The following SESTD1 variants were observed in gnomAD, a reference collection of about 807,000 sequenced individuals.
The protein encoded by SESTD1 is SEC14 domain and spectrin repeat-containing protein 1.
Under a neutral mutation model 101.7 loss-of-function variants are expected in SESTD1, and 43 were observed. That is an observed-to-expected ratio of 0.42 (90% CI 0.33 to 0.55). The LOEUF is 0.55. SESTD1 is among the 20% of genes least tolerant of loss of function. SESTD1 has a pLI of 0.07. For synonymous variants in SESTD1, 283 were observed against 286.8 expected, an observed-to-expected ratio of 0.99 and a Z score of 0.13; for missense variants, 647 against 815.1, an observed-to-expected ratio of 0.79 and a Z score of 2.51.
chr2:179,124,492 C>G lies in SESTD1; in HGVS notation c.1039G>C (p.Glu347Gln). 6.2e-7 allele frequency: 1 copy of G among 1,613,978 alleles called. No individual in the cohort carries two copies. The highest frequency in any genetic ancestry group is 2.2e-5 in the East Asian group (1 of 44,876). ...IAALLNAGDE[E>Q]DLVELKSLQQ... ...AGTGACTTTAGTTCCACAAGATCTT[C>G]CTCATCGCCAGCATTCAAGAGTGCT... The change falls in exon 11 of 18, where the codon GAA becomes CAA. Residue 347 changes from glutamate (E) to glutamine (Q), a missense_variant. By Grantham distance (29) the Glu-to-Gln change is conservative (BLOSUM62 2). Coordinates refer to ENST00000428443, the MANE Select transcript of SESTD1 (RefSeq NM_178123.5).
rs1038938211 is a variant in SESTD1, at chr2:179,109,210, A to G, written c.*689T>C. ...TCTAAAATACATGCAACCACCATGA[A>G]AAAACAAATATTAAACCATCCTCAC... On this transcript the variant is annotated 3_prime_UTR_variant, in exon 18 of 18. Transcript: ENST00000428443. The G allele has an allele frequency of 3.3e-5, 5 of 152,714 alleles. No individual in the cohort carries two copies. The East Asian group carries it at 9.6e-4, about 29-fold the overall frequency. The allele number at this position is 152,714 out of a possible 1,614,324, so 9.5% of individuals were successfully genotyped here. A position where few individuals can be genotyped will look rare whatever the true frequency, so the allele number is the denominator to read the frequency against.
Position 179,104,110 on chromosome 2 carries a change from G to A in SESTD1, c.*5789C>T, listed in dbSNP as rs1378695760. On this transcript the variant is annotated 3_prime_UTR_variant, in exon 18 of 18. Coordinates refer to ENST00000428443, the MANE Select transcript of SESTD1 (RefSeq NM_178123.5). Reference sequence around the variant, plus strand: ...GGTGCAATGTTTACCAAATAGTTTTGCTGAGAATTTCATTACTGATTTTAT... The same window carrying A: ...GGTGCAATGTTTACCAAATAGTTTTACTGAGAATTTCATTACTGATTTTAT... The A allele has an allele frequency of 6.6e-6, 1 of 152,030 alleles. No individual in the cohort carries two copies. The highest frequency in any genetic ancestry group is 1.5e-5 in the Non-Finnish European group (1 of 67,984). The allele number at this position is 152,030 out of a possible 1,614,324, so 9.4% of individuals were successfully genotyped here.
At chr2:179,203,496 T>G (rs1164739846) in intron 1 of SESTD1, among the ~76,000 whole-genome samples, 1 of 132,972 alleles carries the variant, frequency 7.5e-6, no homozygotes, top group East Asian at 2.0e-4. Context: ...GCTGAGACGG[T>G]AGCACACCCA....
intron 5 of SESTD1, among the ~76,000 whole-genome samples, chr2:179,171,691 T>C (rs1285093761): frequency 6.6e-6 from 1 of 152,072 alleles, no homozygotes; most frequent in Non-Finnish European, 1.5e-5. Context: ...AAAAAGTCAG[T>C]AGGAAAGAAT....
At chr2:179,228,980 A>G (rs2046932931) in intron 1 of SESTD1, among the ~76,000 whole-genome samples, 1 of 152,172 alleles carries the variant, frequency 6.6e-6, no homozygotes, top group African/African-American at 2.4e-5. Context: ...AGAAAAAGAA[A>G]GCCCAGTCTA....
rs375531217 is a variant in SESTD1, at chr2:179,140,428, G to C, written c.849+3164C>G. Among the ~76,000 whole-genome samples the C allele has an allele frequency of 5.1e-4, 77 of 152,210 alleles. 2 individuals carry two copies. The South Asian group carries it at 0.015, about 30-fold the overall frequency. On this transcript the variant is annotated intron_variant, in intron 9 of 17. Transcript: ENST00000428443. ...CAGAGAGAAGACAATGTGAAGACAG[G>C]CAGAAGATGGCCATCGTCAAGTCAA...
Position 179,241,130 on chromosome 2 carries a change from T to A in SESTD1, c.-26+23369A>T, listed in dbSNP as rs150170223. Among the ~76,000 whole-genome samples the A allele has an allele frequency of 2.0e-3, 311 of 151,828 alleles. 2 individuals carry two copies. Among genetic ancestry groups the A allele is most frequent in the African/African-American group, 7.1e-3 (295 of 41,392 alleles). On this transcript the variant is annotated intron_variant, in intron 1 of 17. Transcript: ENST00000428443. Reference sequence around the variant, plus strand: ...AGAATGAGGGCACAAACAAAGGAAATCAATAAAATAGAATATAGTAGAAGT... The same window carrying A: ...AGAATGAGGGCACAAACAAAGGAAAACAATAAAATAGAATATAGTAGAAGT...
Position 179,102,799 on chromosome 2 carries a change from G to GACAAT in SESTD1, c.*7095_*7099dup, listed in dbSNP as rs2044300188. 6.6e-6 allele frequency: 1 copy of GACAAT among 152,026 alleles called. No homozygotes were observed. The highest frequency in any genetic ancestry group is 1.5e-5 in the Non-Finnish European group (1 of 67,988). 9.4% of individuals were successfully genotyped at this position (152,026 alleles called of 1,614,324 possible). A position where few individuals can be genotyped will look rare whatever the true frequency, so the allele number is the denominator to read the frequency against. ...ACAGCTGGGTGGTATTGAATAAAGA[G>GACAAT]ACAATATTGAAAATATTTTTAAACG... On this transcript the variant is annotated 3_prime_UTR_variant, in exon 18 of 18. Transcript: ENST00000428443.
chr2:179,229,733 AAG>A, intron 1 of SESTD1, among the ~76,000 whole-genome samples: 1 of 141,178 alleles, frequency 7.1e-6, no homozygotes, highest in East Asian at 2.0e-4. Flanking sequence ...AAAGAAATTT[AAG>A]ATTTTGTAAG....
At position 179,102,909 on chromosome 2, in the gene SESTD1, C is replaced by A. The variant is rs532807018; in HGVS notation, c.*6990G>T. ...CCCACCCCGTTTTCTGCTCTTCTGG[C>A]CACCATTTGGGGGACTTCCCTGTCC... On this transcript the variant is annotated 3_prime_UTR_variant, in exon 18 of 18. Coordinates refer to ENST00000428443, the MANE Select transcript of SESTD1 (RefSeq NM_178123.5). 6.6e-6 allele frequency: 1 copy of A among 152,240 alleles called. No homozygotes were observed. The highest frequency in any genetic ancestry group is 1.5e-5 in the Non-Finnish European group (1 of 67,996). The allele number at this position is 152,240 out of a possible 1,614,324, so 9.4% of individuals were successfully genotyped here. A position where few individuals can be genotyped will look rare whatever the true frequency, so the allele number is the denominator to read the frequency against.
At chr2:179,200,477 CA>C (rs372283511) in intron 1 of SESTD1, among the ~76,000 whole-genome samples, 26,267 of 151,296 alleles carry the variant, frequency 0.17, 2,579 homozygotes, top group South Asian at 0.28. Context: ...AATCCTAAGC[CA>C]AAAGAACAAA....
rs1378228421 is a variant in SESTD1 at position 179,107,352 on chromosome 2, A to G, written c.*2547T>C. The G allele has an allele frequency of 6.6e-6, 1 of 152,198 alleles. No homozygotes were observed. Among genetic ancestry groups the G allele is most frequent in the African/African-American group, 2.4e-5 (1 of 41,452 alleles). 9.4% of individuals were successfully genotyped at this position (152,198 alleles called of 1,614,324 possible). A position where few individuals can be genotyped will look rare whatever the true frequency, so the allele number is the denominator to read the frequency against. ...CCTCATGTGAAACACTCAATTTACA[A>G]GTAACATTTATGAATCCTGCCTTAT... On this transcript the variant is annotated 3_prime_UTR_variant, in exon 18 of 18. Coordinates refer to ENST00000428443, the MANE Select transcript of SESTD1 (RefSeq NM_178123.5).
At chr2:179,247,540 A>T (rs567481172) in intron 1 of SESTD1, among the ~76,000 whole-genome samples, 2 of 152,146 alleles carry the variant, frequency 1.3e-5, no homozygotes, top group Admixed American at 6.5e-5. Context: ...TCCCTCCCAC[A>T]TCAGCTCCTA....
At position 179,143,544 on chromosome 2, in the gene SESTD1, A is replaced by T. The variant is rs772015101; in HGVS notation, c.849+48T>A. 2.4e-5 allele frequency: 37 copies of T among 1,538,526 alleles called. No homozygotes were observed. The Admixed American group carries it at 3.0e-4, about 13-fold the overall frequency. On this transcript the variant is annotated intron_variant, in intron 9 of 17. Coordinates refer to ENST00000428443, the MANE Select transcript of SESTD1 (RefSeq NM_178123.5). ...CTTAATAGTCAGTCACATAGTAGAA[A>T]TTATAAGGAATTAAAAAGAGTTAAA...
intron 1 of SESTD1, among the ~76,000 whole-genome samples, chr2:179,235,922 T>C (rs1015768714): frequency 6.6e-6 from 1 of 152,176 alleles, no homozygotes; most frequent in Non-Finnish European, 1.5e-5. Context: ...ATAACATTAC[T>C]ACAATCCTTT....
rs34573133 is a variant in SESTD1, at chr2:179,112,826, T to G, written c.1859A>C (p.Glu620Ala). 4 of 1,611,728 alleles carry G rather than the reference T, an allele frequency of 2.5e-6. No homozygotes were observed. Among genetic ancestry groups the G allele is most frequent in the Non-Finnish European group, 3.4e-6 (4 of 1,179,826 alleles). Residue 620 changes from glutamate (E) to alanine (A), a missense_variant, in exon 17 of 18, where the codon GAA becomes GCA. This residue lies in a region of SESTD1 where 476 missense variants were observed against 562.6 expected (regional missense o/e 0.85). Coordinates refer to ENST00000428443, the MANE Select transcript of SESTD1 (RefSeq NM_178123.5). ...NAEKILQDCP[E>A]EPEAINDEEQ... ...CTCATCATTAATAGCTTCAGGCTCT[T>G]CTGGACAGTCCTGCAAAATCTGCAA...
chr2:179,161,075 CTTT>C (rs56092247), intron 5 of SESTD1, among the ~76,000 whole-genome samples: 1,561 of 134,190 alleles, frequency 0.012, 36 homozygotes, highest in Admixed American at 0.013. Context: ...CCATACCTAG[CTTT>C]TTTTTTTTTT....
chr2:179,231,175 A>C (rs2046981807), intron 1 of SESTD1, among the ~76,000 whole-genome samples: 1 of 152,200 alleles, frequency 6.6e-6, no homozygotes, highest in African/African-American at 2.4e-5. Flanking sequence ...AAATCCACTA[A>C]AAGCTGAGCT....
intron 5 of SESTD1, among the ~76,000 whole-genome samples, chr2:179,160,838 T>C (rs2045721949): frequency 6.6e-6 from 1 of 152,104 alleles, no homozygotes; most frequent in Non-Finnish European, 1.5e-5. Flanking sequence ...AAGTAGTATA[T>C]ATAATAAGCT....
Sources: allele counts gnomAD v4.1 joint callset (sites outside exome capture counted in the v4.1 genomes callset), GRCh38; gene constraint gnomAD v4.1.1; regional missense constraint gnomAD v4.1.1; transcripts MANE v1.5; gene names NCBI Gene and HGNC (gene_info 2026-07-23, HGNC 2026-07-21).